GABRP: variants seen among roughly 807,000 people sequenced by gnomAD.
GABRP encodes the protein gamma-aminobutyric acid type A receptor subunit pi.
Under a neutral mutation model 47.8 loss-of-function variants are expected in GABRP, and 52 were observed. The ratio of observed to expected loss-of-function variants is 1.09; its 90% CI spans 0.87 to 1.37. The LOEUF is 1.37. Among genes scored for constraint, GABRP ranks in the 40% most tolerant of loss-of-function variants. GABRP has a pLI of 0.00. For missense variants in GABRP, 525 were observed against 542.8 expected (o/e 0.97, Z 0.33); for synonymous variants, 221 against 205.8 (o/e 1.07, Z -0.63).
rs1765199218 is a variant in GABRP at position 170,789,134 on chromosome 5, G to A, written c.59G>A (p.Cys20Tyr). 4 of 1,611,204 alleles carry A rather than the reference G, an allele frequency of 2.5e-6. No individual in the cohort carries two copies. Among genetic ancestry groups the A allele is most frequent in the Non-Finnish European group, 3.4e-6 (4 of 1,177,544 alleles). Reference protein sequence around the residue: ...VCLSLFTERMCIQGSQFNVEV... With the variant: ...VCLSLFTERMYIQGSQFNVEV... ...AAAGCCCATTTCTTTTCCAGGATGTGCATCCAGGGGAGTCAGTTCAACGTC... is the reference window on the plus strand; with the variant it reads ...AAAGCCCATTTCTTTTCCAGGATGTACATCCAGGGGAGTCAGTTCAACGTC... Residue 20 changes from cysteine (C) to tyrosine (Y), a missense_variant, in exon 3 of 10, where the codon TGC (cysteine) becomes TAC (tyrosine). Cys to Tyr is a radical substitution (Grantham distance 194, BLOSUM62 -2). Transcript: ENST00000265294.
chr5:170,789,256 T>A lies in GABRP; in HGVS notation c.172+9T>A. ...CAGGCCCAATTTTGGTGGTAGGTCA[T>A]CCTCTGTGTCCAGGACATCATTCAA... On this transcript the variant is annotated intron_variant, in intron 3 of 9. Transcript: ENST00000265294. 6.5e-7 allele frequency: 1 copy of A among 1,547,720 alleles called. No homozygotes were observed. Among genetic ancestry groups the A allele is most frequent in the East Asian group, 2.2e-5 (1 of 44,594 alleles).
At chr5:170,788,301 A>G (rs1449103954) in intron 1 of GABRP, 11 of 244,886 alleles carry the variant, frequency 4.5e-5, no homozygotes, top group African/African-American at 2.5e-4. Context: ...GTGAACCGAG[A>G]TCATGTCCCT....
At chr5:170,810,279 AAAT>A (rs77356879) in intron 9 of GABRP, among the ~76,000 whole-genome samples, 25,033 of 152,056 alleles carry the variant, frequency 0.16, 2,173 homozygotes, top group South Asian at 0.25. Context: ...CCAGCTCTCT[AAAT>A]AATAATAATA....
intron 7 of GABRP, 68 bp from the exon 8 acceptor site, chr5:170,808,532 G>A (rs1765793928): frequency 7.4e-7 from 1 of 1,354,248 alleles, no homozygotes; most frequent in African/African-American, 1.4e-5. Context: ...ATATAGTTAA[G>A]CATCCCATAG....
At chr5:170,782,979 G>T (rs4868027), upstream of GABRP, 1 of 152,114 alleles carries the variant, frequency 6.6e-6, no homozygotes, top group Non-Finnish European at 1.5e-5. Context: ...GAGCACTGTC[G>T]AAGCACTTCT....
chr5:170,788,940 T>C (rs1765194073), intron 2 of GABRP, among the ~76,000 whole-genome samples, 189 bp from the exon 3 acceptor site: 1 of 152,076 alleles, frequency 6.6e-6, no homozygotes, highest in Non-Finnish European at 1.5e-5. Context: ...CTATGGCAAA[T>C]GGGTAAAAAA....
Position 170,812,792 on chromosome 5 carries a change from T to G in GABRP, c.*534T>G, listed in dbSNP as rs770464356. The G allele has an allele frequency of 1.3e-5, 2 of 152,590 alleles. No individual in the cohort carries two copies. The highest frequency in any genetic ancestry group is 4.8e-5 in the African/African-American group (2 of 41,466). 9.5% of individuals were successfully genotyped at this position (152,590 alleles called of 1,614,324 possible). On this transcript the variant is annotated 3_prime_UTR_variant, in exon 10 of 10. Transcript: ENST00000265294. ...TCAATGCACTAACTCAATACCAAGA[T>G]GAGTTTTTAAATAATGAATATTATT...
At chr5:170,809,858 A>T in intron 9 of GABRP, 103 bp downstream of exon 9, 1 of 1,086,790 alleles carries the variant, frequency 9.2e-7, no homozygotes, top group Non-Finnish European at 1.4e-6. Context: ...ACCCGCAGTG[A>T]TTCCCTGTGC....
At position 170,805,910 on chromosome 5, in the gene GABRP, G is replaced by A. The variant is rs1302054371; in HGVS notation, c.679+57G>A. 1.9e-6 allele frequency: 3 copies of A among 1,576,530 alleles called. No homozygotes were observed. The East Asian group carries it at 6.7e-5, about 35-fold the overall frequency. ...AATAAGTGAACTGAGGTGTAGGGTT[G>A]CTCTCTGAGTCAGAAATATCGTCTT... On this transcript the variant is annotated intron_variant, in intron 7 of 9. Transcript: ENST00000265294.
chr5:170,812,947 C>T lies in GABRP; in HGVS notation c.*689C>T, dbSNP rs1227555024. 1 of 152,188 alleles carries T rather than the reference C, an allele frequency of 6.6e-6. No homozygotes were observed. Among genetic ancestry groups the T allele is most frequent in the Admixed American group, 6.6e-5 (1 of 15,262 alleles). 9.4% of individuals were successfully genotyped at this position (152,188 alleles called of 1,614,324 possible). On this transcript the variant is annotated 3_prime_UTR_variant, in exon 10 of 10. Coordinates refer to ENST00000265294, the MANE Select transcript of GABRP (RefSeq NM_014211.3). ...TCGGTTCTAAGATACAATGGATTCCCCATACTGGAAGGACTCTGAGGCTTT... is the reference window on the plus strand; with the variant it reads ...TCGGTTCTAAGATACAATGGATTCCTCATACTGGAAGGACTCTGAGGCTTT...
Position 170,790,803 on chromosome 5 carries a change from G to A in GABRP, c.172+1556G>A, listed in dbSNP as rs147843012. On this transcript the variant is annotated intron_variant, in intron 3 of 9. Coordinates refer to ENST00000265294, the MANE Select transcript of GABRP (RefSeq NM_014211.3). Reference sequence around the variant, plus strand: ...ATATCCCCACTGTGTTCAGTCTGTGGTTGGCTGTGGCCCATGAGAAGTGTG... The same window carrying A: ...ATATCCCCACTGTGTTCAGTCTGTGATTGGCTGTGGCCCATGAGAAGTGTG... Among the ~76,000 whole-genome samples, 1,289 of 152,282 alleles carry A rather than the reference G, an allele frequency of 8.5e-3. 17 individuals are homozygous for A. Among genetic ancestry groups the A allele is most frequent in the African/African-American group, 0.029 (1,213 of 41,542 alleles).
Position 170,795,197 on chromosome 5 carries a change from C to T in GABRP, c.241-11C>T. The T allele has an allele frequency of 1.2e-6, 2 of 1,604,968 alleles. No homozygotes were observed. Among genetic ancestry groups the T allele is most frequent in the Non-Finnish European group, 1.7e-6 (2 of 1,172,850 alleles). On this transcript the variant is annotated splice_polypyrimidine_tract_variant and intron_variant, in intron 4 of 9. Coordinates refer to ENST00000265294, the MANE Select transcript of GABRP (RefSeq NM_014211.3). Reference sequence around the variant, plus strand: ...CCCCATCCATTTCCATACCCTGCCTCCCCCTCCCAGGACTACACAGCCACC... The same window carrying T: ...CCCCATCCATTTCCATACCCTGCCTTCCCCTCCCAGGACTACACAGCCACC...
intron 1 of GABRP, among the ~76,000 whole-genome samples, chr5:170,784,798 A>G (rs1765087765): frequency 6.6e-6 from 1 of 152,226 alleles, no homozygotes; most frequent in South Asian, 2.1e-4. Flanking sequence ...ACTCGGGTGT[A>G]TCAGGATCCA....
intron 2 of GABRP, among the ~76,000 whole-genome samples, chr5:170,788,912 T>C (rs1765193441): frequency 1.3e-5 from 2 of 152,176 alleles, no homozygotes; most frequent in South Asian, 4.1e-4. Flanking sequence ...GGTTTCCAAA[T>C]TACCATGATA....
At chr5:170,809,333 C>A (rs1178475751) in intron 8 of GABRP, among the ~76,000 whole-genome samples, 2 of 152,046 alleles carry the variant, frequency 1.3e-5, no homozygotes, top group Non-Finnish European at 2.9e-5. Context: ...TATTTATCAC[C>A]CCCTCCCAGG....
chr5:170,803,015 T>C (rs1765636534), intron 6 of GABRP, among the ~76,000 whole-genome samples: 1 of 152,240 alleles, frequency 6.6e-6, no homozygotes, highest in Non-Finnish European at 1.5e-5. Flanking sequence ...TGTGAGCATT[T>C]ACTAGTTGTA....
chr5:170,791,998 C>T (rs920166699), intron 3 of GABRP, among the ~76,000 whole-genome samples: 1 of 152,212 alleles, frequency 6.6e-6, no homozygotes, highest in Non-Finnish European at 1.5e-5. Context: ...GCCCTTTTAT[C>T]ATGGCACCAG....
intron 8 of GABRP, 55 bp from the exon 9 acceptor site, chr5:170,809,513 A>G: frequency 6.4e-7 from 1 of 1,559,258 alleles, no homozygotes; most frequent in Non-Finnish European, 8.8e-7. Context: ...CTGCCAGGCT[A>G]TGGTGGAGGA....
Position 170,789,253 on chromosome 5 carries a change from T to A in GABRP, c.172+6T>A. On this transcript the variant is annotated splice_donor_region_variant and intron_variant, in intron 3 of 9. Transcript: ENST00000265294. ...TCTCAGGCCCAATTTTGGTGGTAGG[T>A]CATCCTCTGTGTCCAGGACATCATT... 6.4e-7 allele frequency: 1 copy of A among 1,562,404 alleles called. No homozygotes were observed. The highest frequency in any genetic ancestry group is 8.8e-7 in the Non-Finnish European group (1 of 1,133,278).
Sources: allele counts gnomAD v4.1 joint callset (sites outside exome capture counted in the v4.1 genomes callset), GRCh38; gene constraint gnomAD v4.1.1; transcripts MANE v1.5; gene names NCBI Gene and HGNC (gene_info 2026-07-23, HGNC 2026-07-21).